The following TYW1 variants were observed in gnomAD, a reference collection of about 807,000 sequenced individuals.
TYW1 encodes tRNA-yW synthesizing protein 1 homolog.
TYW1 carries 46 observed loss-of-function variants against 96.2 expected under a neutral mutation model. The observed-to-expected ratio is 0.48, with a 90% CI of 0.38 to 0.61. TYW1 has a LOEUF of 0.61. Among genes scored for constraint, TYW1 ranks in the 20% least tolerant of loss-of-function variants. The probability of loss-of-function intolerance (pLI) is 0.00; values close to 1 mark genes in which losing one functional copy is unlikely to be tolerated. For missense variants in TYW1, 684 were observed against 909.6 expected (o/e 0.75, Z 3.19); for synonymous variants, 274 against 323.0 (o/e 0.85, Z 1.63).
intron 15 of TYW1, among the ~76,000 whole-genome samples, chr7:67,236,644 G>A (rs1437567527): frequency 6.6e-6 from 1 of 152,160 alleles, no homozygotes; most frequent in Non-Finnish European, 1.5e-5. Context: ...GGGCCCTTGA[G>A]GCACCATTTC....
At chr7:67,075,167 C>T (rs925882837) in intron 10 of TYW1, among the ~76,000 whole-genome samples, 1 of 152,086 alleles carries the variant, frequency 6.6e-6, no homozygotes, top group Admixed American at 6.5e-5. Flanking sequence ...GCTGTTCCAC[C>T]AATTTTCAGA....
chr7:67,117,394 A>C (rs951288557), intron 12 of TYW1, 89 bp from the exon 13 acceptor site: 1 of 1,446,074 alleles, frequency 6.9e-7, no homozygotes, highest in African/African-American at 1.4e-5. Flanking sequence ...TTTAATCCCC[A>C]TGTCTATTAC....
At chr7:67,177,793 A>G (rs1799720443) in intron 13 of TYW1, among the ~76,000 whole-genome samples, 1 of 152,096 alleles carries the variant, frequency 6.6e-6, no homozygotes, top group South Asian at 2.1e-4. Flanking sequence ...GAATGTATAC[A>G]TATCCCCCAT....
chr7:67,021,038 A>G (rs775795826), intron 6 of TYW1, among the ~76,000 whole-genome samples: 5 of 152,402 alleles, frequency 3.3e-5, no homozygotes, highest in South Asian at 4.1e-4. Flanking sequence ...CAAAAAAAAT[A>G]AAAAACAAAT....
chr7:67,153,977 G>T (rs1192001845), intron 13 of TYW1, among the ~76,000 whole-genome samples: 10 of 147,520 alleles, frequency 6.8e-5, no homozygotes, highest in Admixed American at 2.1e-4. Flanking sequence ...ACCCAGGCTG[G>T]AGCGCAGTGG....
intron 13 of TYW1, among the ~76,000 whole-genome samples, chr7:67,142,411 T>G (rs1363401268): frequency 6.6e-6 from 1 of 151,708 alleles, no homozygotes; most frequent in Non-Finnish European, 1.5e-5. Flanking sequence ...GCCAGTGCTA[T>G]TATTATTGTT....
At chr7:67,213,448 T>C (rs1242098022) in intron 15 of TYW1, among the ~76,000 whole-genome samples, 1 of 152,238 alleles carries the variant, frequency 6.6e-6, no homozygotes, top group Admixed American at 6.5e-5. Context: ...TTAGCAGATA[T>C]GTATTTTGAA....
rs181897343 is a variant in TYW1, at chr7:67,164,694, G to A, written c.1699-18432G>A. ...AATGGGAACGAGGTACAAAAAATAA[G>A]TCTCCCTCTCTTTCTGAGAGTCACA... On this transcript the variant is annotated intron_variant, in intron 13 of 15. Coordinates refer to ENST00000359626, the MANE Select transcript of TYW1 (RefSeq NM_018264.4). 5.3e-5 allele frequency among the ~76,000 whole-genome samples: 8 copies of A among 151,412 alleles called. No homozygotes were observed. The East Asian group carries it at 1.6e-3, about 29-fold the overall frequency.
rs571144728 is a variant in TYW1, at chr7:67,166,077, A to G, written c.1699-17049A>G. Among the ~76,000 whole-genome samples the G allele has an allele frequency of 2.6e-5, 4 of 151,978 alleles. No individual in the cohort carries two copies. In the East Asian group the frequency reaches 5.8e-4, roughly 22 times the overall value. ...AATATAGCGACACTCCATCTCTACA[A>G]AAAAATTAAAAATAAAAAAATAAGC... is the stretch of plus-strand genomic sequence containing the variant. On this transcript the variant is annotated intron_variant, in intron 13 of 15. Coordinates refer to ENST00000359626, the MANE Select transcript of TYW1 (RefSeq NM_018264.4).
chr7:67,076,069 G>T (rs1001890323), intron 10 of TYW1, among the ~76,000 whole-genome samples: 1 of 152,086 alleles, frequency 6.6e-6, no homozygotes, highest in Non-Finnish European at 1.5e-5. Flanking sequence ...TTCTTTATTC[G>T]GAGGTGTTTT....
chr7:67,208,198 G>T (rs999386574), intron 15 of TYW1, among the ~76,000 whole-genome samples: 3 of 151,870 alleles, frequency 2.0e-5, no homozygotes, highest in Non-Finnish European at 2.9e-5. Context: ...GTGTGCCCAT[G>T]TAGTCCCAAC....
At chr7:67,224,618 A>G (rs1224431002) in intron 15 of TYW1, among the ~76,000 whole-genome samples, 1 of 152,238 alleles carries the variant, frequency 6.6e-6, no homozygotes, top group African/African-American at 2.4e-5. Context: ...GAAACTCTAA[A>G]TCGAGGTATT....
chr7:67,042,722 T>C (rs1584494697), intron 7 of TYW1, among the ~76,000 whole-genome samples: 1 of 151,974 alleles, frequency 6.6e-6, no homozygotes, highest in Admixed American at 6.6e-5. Context: ...GGAGGCCGGG[T>C]GCAGTGGCTT....
In TYW1 at chr7:67,184,591, C is replaced by CATTTT. The variant is rs202120294; in HGVS notation, c.1809+1410_1809+1414dup. Among the ~76,000 whole-genome samples the CATTTT allele has an allele frequency of 1.1e-3, 90 of 84,226 alleles. 11 individuals are homozygous for CATTTT. The highest frequency in any genetic ancestry group is 2.9e-3 in the African/African-American group (60 of 20,596). The allele number at this position is 84,226 out of a possible 152,430, so 55.3% of individuals were successfully genotyped here. A position where few individuals can be genotyped will look rare whatever the true frequency, so the allele number is the denominator to read the frequency against. On this transcript the variant is annotated intron_variant, in intron 14 of 15. Coordinates refer to ENST00000359626, the MANE Select transcript of TYW1 (RefSeq NM_018264.4). ...TTTTAGGGAAGCTTTTCTGAGATGACATTTTATTTTATTTTATTTTATTTT... is the reference window on the plus strand; with the variant it reads ...TTTTAGGGAAGCTTTTCTGAGATGACATTTTATTTTATTTTATTTTATTTTATTTT...
intron 7 of TYW1, among the ~76,000 whole-genome samples, chr7:67,028,077 AATACAAAAAAAATAAGCTGGGC>A (rs1794516269): frequency 6.6e-6 from 1 of 150,784 alleles, no homozygotes; most frequent in Non-Finnish European, 1.5e-5. Context: ...TCTACTAAAA[AATACAAAAAAAATAAGCTGGGC>A]ATAGTGGCGC....
chr7:67,021,600 T>A (rs1199522119), intron 6 of TYW1, among the ~76,000 whole-genome samples: 1 of 151,434 alleles, frequency 6.6e-6, no homozygotes, highest in Non-Finnish European at 1.5e-5. Flanking sequence ...ATTTCCCCTT[T>A]CGATGTAGTA....
chr7:67,112,100 C>CA (rs538839042), intron 12 of TYW1, among the ~76,000 whole-genome samples: 1,250 of 94,692 alleles, frequency 0.013, 58 homozygotes, highest in African/African-American at 0.029. Context: ...CTCTGTCTGA[C>CA]AAAAAAAAAA....
intron 13 of TYW1, among the ~76,000 whole-genome samples, chr7:67,162,295 C>T (rs1799185825): frequency 1.6e-5 from 2 of 125,046 alleles, no homozygotes; most frequent in South Asian, 2.6e-4. Context: ...GCCTGGGTGA[C>T]AGAGCAAGAC....
chr7:67,171,512 T>C (rs1281355035), intron 13 of TYW1, among the ~76,000 whole-genome samples: 1 of 152,178 alleles, frequency 6.6e-6, no homozygotes, highest in Non-Finnish European at 1.5e-5. Context: ...CCTTTGTCTT[T>C]AATTGTTAGT....
Sources: gnomAD v4.1 joint callset for allele counts (sites outside exome capture counted in the v4.1 genomes callset) on GRCh38, gnomAD v4.1.1 for gene constraint, MANE v1.5 for transcripts, NCBI Gene and HGNC (gene_info 2026-07-23, HGNC 2026-07-21) for gene names.